The following PCLO variants were observed in gnomAD, a reference collection of about 807,000 sequenced individuals.
PCLO encodes the protein protein piccolo.
PCLO carries 82 observed loss-of-function variants against 427.5 expected under a neutral mutation model. The observed-to-expected ratio is 0.19, with a 90% CI of 0.16 to 0.23. The LOEUF is 0.23. Ranked by LOEUF, PCLO falls within the 10% of genes least tolerant of loss-of-function variation. The probability of loss-of-function intolerance (pLI) is 1.00; values close to 1 mark genes in which losing one functional copy is unlikely to be tolerated. For synonymous variants in PCLO, 2,357 were observed against 2,155.4 expected (o/e 1.09, Z -2.59); for missense variants, 6,239 against 6,115.9 (o/e 1.02, Z -0.67).
chr7:83,105,609 T>C (rs903709530), intron 3 of PCLO, among the ~76,000 whole-genome samples: 4 of 152,188 alleles, frequency 2.6e-5, no homozygotes, highest in African/African-American at 9.7e-5. Flanking sequence ...AGGGACACTA[T>C]GTGTATTCTG....
At chr7:82,780,187 T>A (rs567112357) in intron 22 of PCLO, among the ~76,000 whole-genome samples, 2 of 152,316 alleles carry the variant, frequency 1.3e-5, no homozygotes, top group East Asian at 3.9e-4. Context: ...GCTGTTTACA[T>A]CTTACTTGTC....
chr7:83,135,692 T>G (rs1791710095), intron 2 of PCLO, 36 bp from the exon 3 acceptor site: 1 of 1,373,204 alleles, frequency 7.3e-7, no homozygotes, highest in Non-Finnish European at 9.8e-7. Context: ...ACCGAGACAA[T>G]ACTGTAAAAA....
chr7:82,952,718 A>C lies in PCLO; in HGVS notation c.8235T>G (p.Ile2745Met). 1 of 1,613,816 alleles carries C rather than the reference A, an allele frequency of 6.2e-7. No homozygotes were observed. Among genetic ancestry groups the C allele is most frequent in the South Asian group, 1.1e-5 (1 of 91,074 alleles). The change falls in exon 5 of 25, where the codon ATT (isoleucine) becomes ATG (methionine). Residue 2745 changes from isoleucine to methionine, a missense_variant. Transcript: ENST00000333891. ...CATCCATTGTAGAAGCAGAAAGATC[A>C]ATACATTTATCAGTTGTTTTAACTT... Reference protein sequence around the residue: ...KVEVKTTDKCIDLSASTMDVK... With the variant: ...KVEVKTTDKCMDLSASTMDVK...
chr7:83,098,645 A>AT (rs1790655667), intron 3 of PCLO, among the ~76,000 whole-genome samples: 1 of 117,258 alleles, frequency 8.5e-6, no homozygotes, highest in African/African-American at 3.2e-5. Context: ...TCATATGTTC[A>AT]TTAAAAAATT....
intron 22 of PCLO, among the ~76,000 whole-genome samples, chr7:82,778,392 T>C (rs1258320448): frequency 6.6e-6 from 1 of 152,214 alleles, no homozygotes; most frequent in East Asian, 1.9e-4. Flanking sequence ...AACTATCATT[T>C]GACCCAGCAA....
intron 3 of PCLO, among the ~76,000 whole-genome samples, chr7:83,096,933 A>ATT (rs1383940371): frequency 1.6e-5 from 1 of 61,272 alleles, no homozygotes; most frequent in Non-Finnish European, 2.7e-5. Context: ...AATATAATAT[A>ATT]ATATATTATA....
intron 20 of PCLO, among the ~76,000 whole-genome samples, chr7:82,816,598 T>C (rs995908732): frequency 1.3e-5 from 2 of 152,140 alleles, no homozygotes; most frequent in African/African-American, 4.8e-5. Flanking sequence ...TAAGAAACCT[T>C]GGTATGTTAA....
Position 82,946,118 on chromosome 7 carries a change from G to A in PCLO, c.11112+3358C>T, listed in dbSNP as rs972194121. Among the ~76,000 whole-genome samples, 5 of 152,208 alleles carry A rather than the reference G, an allele frequency of 3.3e-5. No homozygotes were observed. In the East Asian group the frequency reaches 9.7e-4, roughly 29 times the overall value. ...AGATGCCTATATAAAAATAAACAAA[G>A]TGAAAGTGATACTTTAAATAAGGGA... On this transcript the variant is annotated intron_variant, in intron 6 of 24. Coordinates refer to ENST00000333891, the MANE Select transcript of PCLO (RefSeq NM_033026.6).
intron 3 of PCLO, among the ~76,000 whole-genome samples, chr7:83,091,038 A>G (rs946428168): frequency 6.6e-6 from 1 of 152,148 alleles, no homozygotes; most frequent in African/African-American, 2.4e-5. Context: ...TGAGCATTGA[A>G]GTATGCTGAT....
chr7:82,886,102 G>A (rs1242537434), intron 9 of PCLO, among the ~76,000 whole-genome samples: 2 of 152,258 alleles, frequency 1.3e-5, no homozygotes, highest in African/African-American at 4.8e-5. Context: ...GGTGTTGGAA[G>A]CCAGCATTTC....
intron 21 of PCLO, among the ~76,000 whole-genome samples, chr7:82,804,214 A>C (rs1013190131): frequency 5.3e-5 from 8 of 152,202 alleles, no homozygotes; most frequent in African/African-American, 1.9e-4. Context: ...GATTTCTTTT[A>C]GGAAGAATTT....
chr7:83,038,886 C>T (rs1698143937), intron 3 of PCLO, among the ~76,000 whole-genome samples: 1 of 151,930 alleles, frequency 6.6e-6, no homozygotes. Context: ...AGATCCTCAC[C>T]AATATTTGTT....
At chr7:82,936,681 C>T (rs1584181397) in intron 6 of PCLO, among the ~76,000 whole-genome samples, 1 of 151,566 alleles carries the variant, frequency 6.6e-6, no homozygotes, top group Non-Finnish European at 1.5e-5. Context: ...GGCATATACC[C>T]TTAAAATTGT....
intron 22 of PCLO, among the ~76,000 whole-genome samples, chr7:82,791,839 A>T (rs939931079): frequency 6.6e-6 from 1 of 152,076 alleles, no homozygotes; most frequent in African/African-American, 2.4e-5. Context: ...GATATAATAA[A>T]TTTTAAAAAA....
intron 10 of PCLO, among the ~76,000 whole-genome samples, chr7:82,856,415 A>C (rs1328042204): frequency 6.6e-6 from 1 of 152,150 alleles, no homozygotes; most frequent in Non-Finnish European, 1.5e-5. Context: ...GACCACTAAA[A>C]CAATCCAGTC....
intron 3 of PCLO, among the ~76,000 whole-genome samples, chr7:83,080,415 T>C (rs189049540): frequency 7.8e-4 from 119 of 152,332 alleles, no homozygotes; most frequent in Non-Finnish European, 1.3e-3. Context: ...ATCGCCATTC[T>C]GTCGTGAGAT....
intron 16 of PCLO, among the ~76,000 whole-genome samples, chr7:82,833,992 T>G (rs1562808114): frequency 6.6e-6 from 1 of 152,144 alleles, no homozygotes; most frequent in Non-Finnish European, 1.5e-5. Flanking sequence ...CAGTCTAACT[T>G]ACAATGTCAG....
intron 3 of PCLO, among the ~76,000 whole-genome samples, chr7:83,127,996 A>G (rs1386638967): frequency 6.6e-6 from 1 of 152,172 alleles, no homozygotes; most frequent in Middle Eastern, 3.2e-3. Context: ...GCTATGCTAC[A>G]CTGTATGCAT....
chr7:83,021,047 G>T (rs1320971796), intron 3 of PCLO, among the ~76,000 whole-genome samples: 1 of 152,138 alleles, frequency 6.6e-6, no homozygotes, highest in Non-Finnish European at 1.5e-5. Flanking sequence ...GATATCAGCT[G>T]TTCTGAAGAA....
Sources: allele counts gnomAD v4.1 joint callset (sites outside exome capture counted in the v4.1 genomes callset), GRCh38; gene constraint gnomAD v4.1.1; transcripts MANE v1.5; gene names NCBI Gene and HGNC (gene_info 2026-07-23, HGNC 2026-07-21).